Variants in CDH20 observed in about 807,000 individuals in gnomAD.
CDH20 encodes cadherin 20.
In CDH20, 29 loss-of-function variants were observed where a neutral mutation model predicts 74.2. That is an observed-to-expected ratio of 0.39 (90% CI 0.29 to 0.53). The LOEUF is 0.53. CDH20 is among the 20% of genes least tolerant of loss of function. CDH20 has a pLI of 0.69. For missense variants in CDH20, 988 were observed against 1,048.3 expected (o/e 0.94, Z 0.79); for synonymous variants, 469 against 405.4 (o/e 1.16, Z -1.88).
At chr18:61,386,416 A>C (rs1462445480) in intron 1 of CDH20, among the ~76,000 whole-genome samples, 1 of 152,160 alleles carries the variant, frequency 6.6e-6, no homozygotes, top group Admixed American at 6.6e-5. Context: ...TGAACAATGA[A>C]CTGAATCTGC....
intron 1 of CDH20, among the ~76,000 whole-genome samples, chr18:61,370,299 G>C (rs533313862): frequency 6.6e-6 from 1 of 152,154 alleles, no homozygotes; most frequent in Admixed American, 6.6e-5. Flanking sequence ...TAAGTTCATA[G>C]GATGCTTGCT....
chr18:61,339,413 T>C (rs561949438), intron 1 of CDH20, among the ~76,000 whole-genome samples: 6 of 150,980 alleles, frequency 4.0e-5, no homozygotes, highest in South Asian at 2.1e-4. Flanking sequence ...TAAGGAGAGA[T>C]TGGACTTCTA....
At chr18:61,483,671 G>T (rs988245776) in intron 1 of CDH20, among the ~76,000 whole-genome samples, 1 of 152,092 alleles carries the variant, frequency 6.6e-6, no homozygotes, top group African/African-American at 2.4e-5. Context: ...CTTGAAGGAG[G>T]AAAAGGAAAC....
At chr18:61,446,839 G>C (rs1209877139) in intron 1 of CDH20, among the ~76,000 whole-genome samples, 1 of 152,170 alleles carries the variant, frequency 6.6e-6, no homozygotes, top group South Asian at 2.1e-4. Context: ...TGTCGGGAAG[G>C]CTCATCCTAA....
chr18:61,418,829 C>T (rs1912784901), intron 1 of CDH20, among the ~76,000 whole-genome samples: 1 of 152,064 alleles, frequency 6.6e-6, no homozygotes, highest in African/African-American at 2.4e-5. Flanking sequence ...CCATTATTGT[C>T]AGCTTGTTAT....
chr18:61,379,403 T>G (rs1911359305), intron 1 of CDH20, among the ~76,000 whole-genome samples: 1 of 152,148 alleles, frequency 6.6e-6, no homozygotes, highest in African/African-American at 2.4e-5. Flanking sequence ...CTTAGAACAT[T>G]AATAGAAAAG....
rs145701176 is a variant in CDH20, at chr18:61,411,580, GTATATATATATA to G, written c.-153+77781_-153+77792del. Among the ~76,000 whole-genome samples, 462 of 149,942 alleles carry G rather than the reference GTATATATATATA, an allele frequency of 3.1e-3. 8 individuals carry two copies. Among genetic ancestry groups the G allele is most frequent in the African/African-American group, 7.7e-3 (310 of 40,466 alleles). ...TGTGTATATATGTGTGTGTGTGTGT[GTATATATATATA>G]TATATATATATATATATATATATAT... On this transcript the variant is annotated intron_variant, in intron 1 of 11. Transcript: ENST00000262717.
At chr18:61,536,365 C>A (rs1260097392) in intron 7 of CDH20, 128 bp from the exon 8 acceptor site, 2 of 673,994 alleles carry the variant, frequency 3.0e-6, no homozygotes, top group Non-Finnish European at 4.9e-6. Flanking sequence ...CGAATGCAGT[C>A]TTCCAGTAGC....
intron 11 of CDH20, among the ~76,000 whole-genome samples, chr18:61,553,157 A>C (rs981668149): frequency 6.6e-6 from 1 of 152,144 alleles, no homozygotes; most frequent in African/African-American, 2.4e-5. Flanking sequence ...GTAATCTTTT[A>C]CTGCATGTAT....
chr18:61,422,826 G>A (rs1290180808), intron 1 of CDH20, among the ~76,000 whole-genome samples: 1 of 151,526 alleles, frequency 6.6e-6, no homozygotes, highest in Non-Finnish European at 1.5e-5. Context: ...AAGTGTGAAC[G>A]AGCCCATAAT....
chr18:61,431,698 A>G (rs1234744426), intron 1 of CDH20, among the ~76,000 whole-genome samples: 3 of 152,216 alleles, frequency 2.0e-5, no homozygotes, highest in Non-Finnish European at 4.4e-5. Context: ...GCCATCTTGA[A>G]AAGTGAAAAG....
chr18:61,369,905 T>C (rs1910973610), intron 1 of CDH20, among the ~76,000 whole-genome samples: 1 of 151,714 alleles, frequency 6.6e-6, no homozygotes, highest in South Asian at 2.1e-4. Context: ...CACACTGGGG[T>C]CTAACGGAGG....
At chr18:61,469,364 T>TACACACACACAC (rs35516738) in intron 1 of CDH20, among the ~76,000 whole-genome samples, 5 of 142,348 alleles carry the variant, frequency 3.5e-5, no homozygotes, top group Non-Finnish European at 7.6e-5. Context: ...TGAGAATGAA[T>TACACACACACAC]ACACACACAC....
chr18:61,364,597 C>T (rs1436622357), intron 1 of CDH20, among the ~76,000 whole-genome samples: 1 of 152,204 alleles, frequency 6.6e-6, no homozygotes, highest in Non-Finnish European at 1.5e-5. Context: ...CAGGCGTGAG[C>T]CACTGTGCCC....
At chr18:61,348,866 T>C (rs897857022) in intron 1 of CDH20, among the ~76,000 whole-genome samples, 1 of 152,216 alleles carries the variant, frequency 6.6e-6, no homozygotes, top group Admixed American at 6.5e-5. Flanking sequence ...ATTTTATTTT[T>C]ATTCCTTGGA....
At chr18:61,527,879 C>A in intron 6 of CDH20, 88 bp from the exon 7 acceptor site, 1 of 1,221,432 alleles carries the variant, frequency 8.2e-7, no homozygotes, top group South Asian at 1.3e-5. Flanking sequence ...TCCCACCAGC[C>A]ATCAATATTG....
At chr18:61,384,526 G>T (rs1338987814) in intron 1 of CDH20, among the ~76,000 whole-genome samples, 1 of 152,130 alleles carries the variant, frequency 6.6e-6, no homozygotes, top group African/African-American at 2.4e-5. Flanking sequence ...CAAAAAGGTT[G>T]CTAGGCCTTT....
rs563501807 is a variant in CDH20, at chr18:61,493,340, C to T, written c.246+2541C>T. On this transcript the variant is annotated intron_variant, in intron 2 of 11. Coordinates refer to ENST00000262717, the MANE Select transcript of CDH20 (RefSeq NM_031891.4). The stretch of plus-strand genomic sequence containing the variant: ...TGCTGCCTGTCTCCCTGTGAAAAGA[C>T]TCTTCCCATCCCTCCTCCAGGATGC... Among the ~76,000 whole-genome samples the T allele has an allele frequency of 3.3e-5, 5 of 152,314 alleles. No individual in the cohort carries two copies. The East Asian group carries it at 7.7e-4, about 24-fold the overall frequency.
chr18:61,435,196 G>C (rs556589933), intron 1 of CDH20, among the ~76,000 whole-genome samples: 1 of 152,168 alleles, frequency 6.6e-6, no homozygotes, highest in East Asian at 1.9e-4. Context: ...TTCACACCCT[G>C]GCTCCATCAT....
Sources: gnomAD v4.1 joint callset for allele counts (sites outside exome capture counted in the v4.1 genomes callset) on GRCh38, gnomAD v4.1.1 for gene constraint, MANE v1.5 for transcripts, NCBI Gene and HGNC (gene_info 2026-07-23, HGNC 2026-07-21) for gene names.